ERICH1: variants seen among roughly 807,000 people sequenced by gnomAD.
The protein encoded by ERICH1 is glutamate rich 1, also known as glutamate-rich protein 1.
Under a neutral mutation model 39.6 loss-of-function variants are expected in ERICH1, and 56 were observed. The ratio of observed to expected loss-of-function variants is 1.41; its 90% confidence interval spans 1.14 to 1.77. The LOEUF (loss-of-function observed/expected upper bound fraction) is 1.77. Among genes scored for constraint, ERICH1 ranks in the 40% most tolerant of loss-of-function variants. The pLI is 0.00. For missense variants in ERICH1, 826 were observed against 575.4 expected (o/e 1.44, Z -4.45); for synonymous variants, 313 against 223.6 (o/e 1.40, Z -3.57).
intron 3 of ERICH1, among the ~76,000 whole-genome samples, chr8:630,720 C>T (rs1797961864): frequency 7.1e-6 from 1 of 141,016 alleles, no homozygotes; most frequent in African/African-American, 2.7e-5. Context: ...CACACACCCT[C>T]CTGTGACCAC....
intron 2 of ERICH1, among the ~76,000 whole-genome samples, chr8:710,643 T>A (rs1369591358): frequency 6.6e-6 from 1 of 152,262 alleles, no homozygotes; most frequent in Non-Finnish European, 1.5e-5. Flanking sequence ...CCTTTTCAGA[T>A]CGGTTTCTTT....
intron 3 of ERICH1, among the ~76,000 whole-genome samples, chr8:617,346 C>G (rs11781021): frequency 6.6e-6 from 1 of 152,094 alleles, no homozygotes; most frequent in Non-Finnish European, 1.5e-5. Context: ...TCCAGAGTAT[C>G]CCCTTTGCTC....
At chr8:649,572 T>C (rs1799671012) in intron 3 of ERICH1, among the ~76,000 whole-genome samples, 1 of 151,772 alleles carries the variant, frequency 6.6e-6, no homozygotes, top group Non-Finnish European at 1.5e-5. Context: ...GTCACCTTTG[T>C]TGGATGTCCA....
At chr8:674,938 T>C (rs1395008244) in intron 3 of ERICH1, among the ~76,000 whole-genome samples, 4 of 152,108 alleles carry the variant, frequency 2.6e-5, no homozygotes, top group Non-Finnish European at 5.9e-5. Flanking sequence ...TGTAAATATT[T>C]CCCCCGTGGC....
chr8:656,171 A>C (rs1018242943), intron 3 of ERICH1, among the ~76,000 whole-genome samples: 1 of 152,074 alleles, frequency 6.6e-6, no homozygotes, highest in Non-Finnish European at 1.5e-5. Context: ...CATGCCCCTC[A>C]TCCCCACAGC....
chr8:731,077 C>A, intron 1 of ERICH1, 63 bp downstream of exon 1: 1 of 1,395,356 alleles, frequency 7.2e-7, no homozygotes, highest in Non-Finnish European at 9.3e-7. Flanking sequence ...CGAGTCAACA[C>A]CGCGGTCTGA....
intron 1 of ERICH1, among the ~76,000 whole-genome samples, chr8:727,676 C>T (rs1278278397): frequency 6.6e-6 from 1 of 152,224 alleles, no homozygotes; most frequent in Admixed American, 6.5e-5. Context: ...AGGCTGGGTG[C>T]CTACCAGGAG....
chr8:618,181 G>C (rs577195599), intron 3 of ERICH1, among the ~76,000 whole-genome samples: 1 of 144,032 alleles, frequency 6.9e-6, no homozygotes, highest in Admixed American at 6.9e-5. Flanking sequence ...TACTCCATCT[G>C]TTCTCACTGC....
intron 1 of ERICH1, among the ~76,000 whole-genome samples, chr8:718,945 G>C (rs915713769): frequency 2.0e-5 from 3 of 151,996 alleles, no homozygotes; most frequent in East Asian, 3.9e-4. Context: ...GTTGTGCATT[G>C]TGCGGCTTCT....
At chr8:657,913 G>T (rs1448049601) in intron 3 of ERICH1, among the ~76,000 whole-genome samples, 1 of 152,166 alleles carries the variant, frequency 6.6e-6, no homozygotes, top group African/African-American at 2.4e-5. Flanking sequence ...AGAAGAGGAA[G>T]AATGGCAGAG....
Position 664,496 on chromosome 8 carries a change from G to T in ERICH1, c.*107C>A. 7.2e-7 allele frequency: 1 copy of T among 1,395,648 alleles called. No individual in the cohort carries two copies. The highest frequency in any genetic ancestry group is 9.3e-7 in the Non-Finnish European group (1 of 1,070,084). The allele number at this position is 1,395,648 out of a possible 1,614,324, so 86.5% of individuals were successfully genotyped here. On this transcript the variant is annotated 3_prime_UTR_variant, in exon 6 of 6. Transcript: ENST00000262109. ...AACAAACACGTGAATAAATAATATGGCATAAATGTCTTTCAAGTTCCCAGA... is the reference window on the plus strand; with the variant it reads ...AACAAACACGTGAATAAATAATATGTCATAAATGTCTTTCAAGTTCCCAGA...
chr8:688,050 C>T (rs1046581907), intron 3 of ERICH1, among the ~76,000 whole-genome samples: 1 of 152,114 alleles, frequency 6.6e-6, no homozygotes, highest in East Asian at 1.9e-4. Flanking sequence ...GGGAGACGCG[C>T]GGCGGCGCGC....
At chr8:706,953 A>T (rs1424001863) in intron 2 of ERICH1, among the ~76,000 whole-genome samples, 2 of 152,196 alleles carry the variant, frequency 1.3e-5, no homozygotes, top group Non-Finnish European at 2.9e-5. Flanking sequence ...TACCCATCAA[A>T]ATTTCAAATG....
chr8:624,484 A>T (rs958536276), intron 3 of ERICH1, among the ~76,000 whole-genome samples: 2 of 152,254 alleles, frequency 1.3e-5, no homozygotes, highest in Non-Finnish European at 1.5e-5. Context: ...CACAGTCTGT[A>T]TCAGTCCTTT....
intron 2 of ERICH1, among the ~76,000 whole-genome samples, chr8:712,925 C>G (rs1815086601): frequency 6.6e-6 from 1 of 152,242 alleles, no homozygotes. Context: ...GCACAATGGA[C>G]AGTGCATTAG....
At chr8:698,934 C>G (rs1585428720) in intron 2 of ERICH1, among the ~76,000 whole-genome samples, 1 of 149,784 alleles carries the variant, frequency 6.7e-6, no homozygotes, top group Non-Finnish European at 1.5e-5. Context: ...GGAGGCTCTC[C>G]AGGATCATCC....
At chr8:699,124 C>A (rs958762995) in intron 2 of ERICH1, among the ~76,000 whole-genome samples, 6 of 152,072 alleles carry the variant, frequency 3.9e-5, no homozygotes, top group African/African-American at 1.4e-4. Flanking sequence ...CAAAAAACCC[C>A]CCAAACCCAC....
chr8:688,209 G>T (rs187589665), intron 3 of ERICH1, among the ~76,000 whole-genome samples: 1 of 137,362 alleles, frequency 7.3e-6, no homozygotes, highest in Non-Finnish European at 1.6e-5. Flanking sequence ...CCCCTGAGCC[G>T]CCCACGCAGG....
At chr8:705,856 C>T (rs778852411) in intron 2 of ERICH1, among the ~76,000 whole-genome samples, 8 of 152,204 alleles carry the variant, frequency 5.3e-5, no homozygotes, top group South Asian at 2.1e-4. Context: ...GCATGGGGGA[C>T]GGTGGAGCCT....
Sources: gnomAD v4.1 joint callset for allele counts (sites outside exome capture counted in the v4.1 genomes callset) on GRCh38, gnomAD v4.1.1 for gene constraint, MANE v1.5 for transcripts, NCBI Gene and HGNC (gene_info 2026-07-23, HGNC 2026-07-21) for gene names.